Variants in PRIM2 observed in about 807,000 individuals in gnomAD.
PRIM2 encodes the protein DNA primase subunit 2.
In PRIM2, 39 loss-of-function variants were observed where a neutral mutation model predicts 67.3. The observed-to-expected ratio is 0.58, with a 90% CI of 0.45 to 0.76. The LOEUF is 0.76. PRIM2 is among the 30% of genes least tolerant of loss of function. PRIM2 has a pLI of 0.00. For synonymous variants in PRIM2, 143 were observed against 198.7 expected, an observed-to-expected ratio of 0.72 and a Z score of 2.36; for missense variants, 398 against 598.7, an observed-to-expected ratio of 0.66 and a Z score of 3.50.
chr6:57,273,400 A>G, the PRIM2 span, among the ~76,000 whole-genome samples: 5 of 152,238 alleles, frequency 3.3e-5, no homozygotes, highest in African/African-American at 9.6e-5. Flanking sequence ...CTGATAGCCT[A>G]TCTTCCAGTT....
the PRIM2 span, among the ~76,000 whole-genome samples, chr6:57,259,213 C>G: frequency 0.016 from 2,451 of 152,196 alleles, 51 homozygotes; most frequent in African/African-American, 0.055. Context: ...TATTGACTTG[C>G]TATCAATGCA....
chr6:57,360,729 T>C (rs1038694196), intron 5 of PRIM2, among the ~76,000 whole-genome samples: 2 of 152,192 alleles, frequency 1.3e-5, no homozygotes, highest in Admixed American at 1.3e-4. Flanking sequence ...GTGAACAAGA[T>C]ACAGCATCAA....
intron 10 of PRIM2, among the ~76,000 whole-genome samples, chr6:57,577,677 C>T (rs1449580966): frequency 1.3e-5 from 2 of 152,246 alleles, no homozygotes; most frequent in East Asian, 3.9e-4. Flanking sequence ...GATCCACCCA[C>T]CTCAGCCTCC....
intron 7 of PRIM2, among the ~76,000 whole-genome samples, chr6:57,418,381 T>G (rs71566854): frequency 2.7e-5 from 2 of 74,000 alleles, no homozygotes; most frequent in East Asian, 3.4e-4. Context: ...CCTATGTGTG[T>G]GGTTTTTTTT....
At chr6:57,442,044 G>T (rs1032699055) in intron 7 of PRIM2, among the ~76,000 whole-genome samples, 1 of 152,144 alleles carries the variant, frequency 6.6e-6, no homozygotes, top group Non-Finnish European at 1.5e-5. Context: ...AGAAAATGAA[G>T]AGGAACATAT....
chr6:57,428,060 T>TA lies in PRIM2; in HGVS notation c.693+45902dup, dbSNP rs200947680. ...AGAGAAGCTAGGTTAAAAACTGACT[T>TA]AAAAAAAAAATTGCAGTAGAATTAT... is the stretch of plus-strand genomic sequence containing the variant. On this transcript the variant is annotated intron_variant, in intron 7 of 13. Transcript: ENST00000615550. Among the ~76,000 whole-genome samples the TA allele has an allele frequency of 1.5e-4, 22 of 149,780 alleles. 1 individual carries two copies. Among genetic ancestry groups the TA allele is most frequent in the African/African-American group, 3.2e-4 (13 of 40,952 alleles).
chr6:57,616,769 AC>A (rs1406315057), intron 12 of PRIM2, among the ~76,000 whole-genome samples: 29 of 152,130 alleles, frequency 1.9e-4, no homozygotes, highest in African/African-American at 7.0e-4. Context: ...CCTTTTCATC[AC>A]CCCCAAAGAA....
At chr6:57,531,696 G>T (rs1258559087) in intron 8 of PRIM2, among the ~76,000 whole-genome samples, 1 of 152,092 alleles carries the variant, frequency 6.6e-6, no homozygotes, top group African/African-American at 2.4e-5. Context: ...GGGGAATTAG[G>T]AATCAAAAGG....
chr6:57,415,890 C>T (rs1245693494), intron 7 of PRIM2, among the ~76,000 whole-genome samples: 2 of 152,174 alleles, frequency 1.3e-5, no homozygotes, highest in African/African-American at 2.4e-5. Flanking sequence ...ACTTCTAATT[C>T]GAGTTCTCTT....
At chr6:57,290,805 C>A in the PRIM2 span, among the ~76,000 whole-genome samples, 21,900 of 151,908 alleles carry the variant, frequency 0.14, 2,028 homozygotes, top group African/African-American at 0.26. Context: ...GAAACCAATG[C>A]GAACAAAGAC....
chr6:57,633,762 G>C (rs1280711062), intron 13 of PRIM2, among the ~76,000 whole-genome samples: 109,036 of 151,690 alleles, frequency 0.72, 39,636 homozygotes, highest in African/African-American at 0.83. Context: ...GTTCACACCC[G>C]CATGAGAATC....
chr6:57,246,462 C>G, the PRIM2 span, among the ~76,000 whole-genome samples: 4 of 152,174 alleles, frequency 2.6e-5, no homozygotes, highest in African/African-American at 9.7e-5. Context: ...AGCTCCTCTC[C>G]AATCTCCAGG....
chr6:57,557,953 T>A (rs1775548862), intron 10 of PRIM2, among the ~76,000 whole-genome samples: 1 of 152,114 alleles, frequency 6.6e-6, no homozygotes, highest in African/African-American at 2.4e-5. Context: ...TTTAGAAATA[T>A]TTCACAAAAC....
intron 5 of PRIM2, among the ~76,000 whole-genome samples, chr6:57,359,998 A>C (rs903141400): frequency 6.6e-6 from 1 of 152,200 alleles, no homozygotes; most frequent in African/African-American, 2.4e-5. Flanking sequence ...GGACAGTGGA[A>C]AGTAATGTAA....
chr6:57,508,704 G>C (rs1323216295), intron 8 of PRIM2, among the ~76,000 whole-genome samples: 15 of 152,138 alleles, frequency 9.9e-5, no homozygotes, highest in Non-Finnish European at 2.9e-5. Flanking sequence ...TTGCTAATAG[G>C]TTAGACATAG....
At chr6:57,244,094 C>T in the PRIM2 span, among the ~76,000 whole-genome samples, 35 of 152,128 alleles carry the variant, frequency 2.3e-4, 1 homozygote, top group Admixed American at 5.9e-4. Context: ...AAGCCTGTGA[C>T]GTCTGAGTTT....
chr6:57,243,715 T>C, the PRIM2 span, among the ~76,000 whole-genome samples: 1 of 152,176 alleles, frequency 6.6e-6, no homozygotes, highest in African/African-American at 2.4e-5. Context: ...CTTCAGGTGA[T>C]CATCCCGCCT....
intron 7 of PRIM2, among the ~76,000 whole-genome samples, chr6:57,470,580 A>G (rs1773315206): frequency 6.6e-6 from 1 of 151,346 alleles, no homozygotes; most frequent in African/African-American, 2.4e-5. Flanking sequence ...GTCATGTTTC[A>G]GAATGACTTT....
At chr6:57,246,628 T>C in the PRIM2 span, among the ~76,000 whole-genome samples, 1 of 152,152 alleles carries the variant, frequency 6.6e-6, no homozygotes, top group African/African-American at 2.4e-5. Context: ...AATCCATGCC[T>C]GTACTCAGGT....
Sources: gnomAD v4.1 joint callset for allele counts (sites outside exome capture counted in the v4.1 genomes callset) on GRCh38, gnomAD v4.1.1 for gene constraint, MANE v1.5 for transcripts, NCBI Gene and HGNC (gene_info 2026-07-23, HGNC 2026-07-21) for gene names.